MBP: variants seen among roughly 807,000 people sequenced by gnomAD.
The protein encoded by MBP is myelin basic protein, also known as Golli-MBP.
In MBP, 16 loss-of-function variants were observed where a neutral mutation model predicts 35.8. The ratio of observed to expected loss-of-function variants is 0.45; its 90% CI spans 0.30 to 0.68. The LOEUF (loss-of-function observed/expected upper bound fraction) is 0.68. Among genes scored for constraint, MBP ranks in the 30% least tolerant of loss-of-function variants. The pLI is 0.08. For missense variants in MBP, 380 were observed against 404.7 expected (o/e 0.94, Z 0.52); for synonymous variants, 143 against 159.6 (o/e 0.90, Z 0.78).
At chr18:77,106,073 C>G (rs573543186) in intron 1 of MBP, among the ~76,000 whole-genome samples, 30 of 152,164 alleles carry the variant, frequency 2.0e-4, no homozygotes, top group Non-Finnish European at 3.8e-4. Context: ...TGCAGGTGAC[C>G]AGAGTCTTTA....
chr18:77,012,084 G>A (rs998135851), intron 4 of MBP, among the ~76,000 whole-genome samples: 3 of 152,324 alleles, frequency 2.0e-5, no homozygotes, highest in South Asian at 2.1e-4. Flanking sequence ...GAGTTAAGAC[G>A]AGGGTCTGAT....
chr18:77,086,778 G>T (rs1369767187), intron 2 of MBP, among the ~76,000 whole-genome samples: 1 of 152,146 alleles, frequency 6.6e-6, no homozygotes, highest in Non-Finnish European at 1.5e-5. Context: ...GGCAAAAAAG[G>T]CATGAGCTAT....
chr18:76,980,494 T>G, intron 8 of MBP, 23 bp from the exon 9 acceptor site: 1 of 1,608,830 alleles, frequency 6.2e-7, no homozygotes, highest in East Asian at 2.2e-5. Flanking sequence ...AGAGAGGAGT[T>G]AGGACGAGAG....
chr18:77,047,341 G>C (rs1001211695), intron 3 of MBP, among the ~76,000 whole-genome samples: 1 of 152,368 alleles, frequency 6.6e-6, no homozygotes, highest in Admixed American at 6.5e-5. Flanking sequence ...GCTACTCCAT[G>C]ATGAACCTCA....
intron 3 of MBP, among the ~76,000 whole-genome samples, chr18:77,027,454 G>A (rs1475735798): frequency 6.6e-6 from 1 of 152,180 alleles, no homozygotes; most frequent in African/African-American, 2.4e-5. Flanking sequence ...CCCTGGGCAG[G>A]GGCAGGGCCA....
rs1201771464 is a variant in MBP, at chr18:77,131,079, G to GCACACACACACA, written c.-26+1500_-26+1501insTGTGTGTGTGTG. Among the ~76,000 whole-genome samples the GCACACACACACA allele has an allele frequency of 5.1e-5, 2 of 39,004 alleles. No homozygotes were observed. Among genetic ancestry groups the GCACACACACACA allele is most frequent in the East Asian group, 6.6e-4 (1 of 1,524 alleles). 25.6% of individuals were successfully genotyped at this position (39,004 alleles called of 152,430 possible). On this transcript the variant is annotated intron_variant, in intron 1 of 8. Transcript: ENST00000355994. This position sits in a 1 kb window ranked among gnomAD's most constrained non-coding sequence, Gnocchi z 5.5. The stretch of plus-strand genomic sequence containing the variant: ...AAACAAAACACACACACGCGCGCAC[G>GCACACACACACA]CACGCGCACACACACACACACACAC...
At chr18:76,997,369 C>T (rs1970328841) in intron 4 of MBP, among the ~76,000 whole-genome samples, 1 of 152,192 alleles carries the variant, frequency 6.6e-6, no homozygotes, top group South Asian at 2.1e-4. Flanking sequence ...TTCAGCGAGT[C>T]CCCTGGGGCC....
chr18:77,017,614 G>A (rs1376046038), intron 3 of MBP: 1 of 221,088 alleles, frequency 4.5e-6, no homozygotes, highest in East Asian at 9.6e-5. Flanking sequence ...CAGATGTGCA[G>A]GCACCTTGAT....
chr18:77,107,231 CTTTAG>C (rs1392354718), intron 1 of MBP, among the ~76,000 whole-genome samples: 3 of 152,298 alleles, frequency 2.0e-5, no homozygotes, highest in African/African-American at 7.2e-5. Flanking sequence ...AGGTAACTTC[CTTTAG>C]TTAAGGTTGA....
In MBP at chr18:77,029,188, C is replaced by T. The variant is rs1321763227; in HGVS notation, c.140-11920G>A. Among the ~76,000 whole-genome samples, 6 of 136,618 alleles carry T rather than the reference C, an allele frequency of 4.4e-5. 1 individual carries two copies. Among genetic ancestry groups the T allele is most frequent in the African/African-American group, 1.0e-4 (4 of 39,828 alleles). 89.6% of individuals were successfully genotyped at this position (136,618 alleles called of 152,430 possible). On this transcript the variant is annotated intron_variant, in intron 3 of 8. Coordinates refer to ENST00000355994, the MANE Select transcript of MBP (RefSeq NM_001025101.2). The stretch of plus-strand genomic sequence containing the variant: ...CCTCGGGAGGCCGAGGCTGGCGGAT[C>T]ACTCGCGGTTAGGAGCTGGAGACCA...
rs80339666 is a variant in MBP, at chr18:77,028,653, A to T, written c.140-11385T>A. On this transcript the variant is annotated intron_variant, in intron 3 of 8. Coordinates refer to ENST00000355994, the MANE Select transcript of MBP (RefSeq NM_001025101.2). ...CCCCCACCTCCCTCCCGGACGGGGC[A>T]GCTGGCTGGGCAGAGGGGCTCCTCA... 1.0e-4 allele frequency among the ~76,000 whole-genome samples: 4 copies of T among 39,880 alleles called. 1 individual carries two copies. In the East Asian group the frequency reaches 2.7e-3, roughly 27 times the overall value. The allele number at this position is 39,880 out of a possible 152,430, so 26.2% of individuals were successfully genotyped here. A position where few individuals can be genotyped will look rare whatever the true frequency, so the allele number is the denominator to read the frequency against.
At chr18:77,072,879 C>G (rs1312659809) in intron 2 of MBP, among the ~76,000 whole-genome samples, 1 of 152,250 alleles carries the variant, frequency 6.6e-6, no homozygotes, top group African/African-American at 2.4e-5. Flanking sequence ...GCACATTTCT[C>G]TGGAGGAAAG....
At chr18:77,071,813 G>A (rs879006672) in intron 2 of MBP, among the ~76,000 whole-genome samples, 5 of 152,174 alleles carry the variant, frequency 3.3e-5, no homozygotes, top group Admixed American at 6.5e-5. Context: ...GTCAGATGGC[G>A]ACTGTCCAAT....
chr18:77,079,403 A>T (rs1377728930), intron 2 of MBP, among the ~76,000 whole-genome samples: 1 of 152,190 alleles, frequency 6.6e-6, no homozygotes, highest in Non-Finnish European at 1.5e-5. Flanking sequence ...TTTGGAGATA[A>T]ATAGAACAAG....
chr18:76,986,840 A>G (rs1367324233), intron 7 of MBP: 2 of 985,326 alleles, frequency 2.0e-6, no homozygotes, highest in Non-Finnish European at 1.2e-6. Context: ...CAGATTAACA[A>G]TCTGCGCGGC....
At position 77,029,016 on chromosome 18, in the gene MBP, G is replaced by C. The variant is rs376175159; in HGVS notation, c.140-11748C>G. On this transcript the variant is annotated intron_variant, in intron 3 of 8. Coordinates refer to ENST00000355994, the MANE Select transcript of MBP (RefSeq NM_001025101.2). ...TCACTTCCCAGACGGGGTGGCGGCC[G>C]GGCAGAGGCTGCAATCTCGGCACTT... 3.0e-3 allele frequency among the ~76,000 whole-genome samples: 322 copies of C among 107,872 alleles called. 65 individuals carry two copies. The highest frequency in any genetic ancestry group is 6.7e-3 in the Non-Finnish European group (282 of 42,202). The allele number at this position is 107,872 out of a possible 152,430, so 70.8% of individuals were successfully genotyped here.
intron 3 of MBP, among the ~76,000 whole-genome samples, chr18:77,047,294 T>TC (rs1973297526): frequency 6.6e-6 from 1 of 152,182 alleles, no homozygotes; most frequent in African/African-American, 2.4e-5. Context: ...CGATAGAATA[T>TC]CCTCCTGTCG....
intron 3 of MBP, among the ~76,000 whole-genome samples, chr18:77,055,175 G>C (rs1461980286): frequency 6.6e-6 from 1 of 152,212 alleles, no homozygotes; most frequent in Non-Finnish European, 1.5e-5. Flanking sequence ...TTCTGTGGTA[G>C]AGAAAACAGC....
At chr18:77,015,276 C>G in intron 4 of MBP, 1 of 978,340 alleles carries the variant, frequency 1.0e-6, no homozygotes, top group Non-Finnish European at 1.2e-6. Flanking sequence ...TTTTTTTTTT[C>G]TGTACCTTGA....
Sources: allele counts gnomAD v4.1 joint callset (sites outside exome capture counted in the v4.1 genomes callset), GRCh38; gene constraint gnomAD v4.1.1; non-coding constraint Gnocchi (gnomAD v3.1); transcripts MANE v1.5; gene names NCBI Gene and HGNC (gene_info 2026-07-23, HGNC 2026-07-21).